The following HIPK2 variants were observed in gnomAD, a reference collection of about 807,000 sequenced individuals.
HIPK2 encodes the protein homeodomain-interacting protein kinase 2.
Under a neutral mutation model 113.7 loss-of-function variants are expected in HIPK2, and 27 were observed. The ratio of observed to expected loss-of-function variants is 0.24; its 90% CI spans 0.17 to 0.33. The LOEUF (loss-of-function observed/expected upper bound fraction) is 0.33, where lower values mean the gene tolerates loss of function less well. HIPK2 is among the 10% of genes least tolerant of loss of function. The pLI, the probability that HIPK2 is intolerant of heterozygous loss-of-function variation, is 1.00. For missense variants in HIPK2, 1,257 were observed against 1,588.0 expected (o/e 0.79, Z 3.54); for synonymous variants, 631 against 642.2 (o/e 0.98, Z 0.26).
chr7:139,699,999 G>T (rs886808245), intron 2 of HIPK2, among the ~76,000 whole-genome samples: 1 of 152,158 alleles, frequency 6.6e-6, no homozygotes, highest in Non-Finnish European at 1.5e-5. Context: ...TCATTGCCTC[G>T]GACAGAATGG....
chr7:139,684,152 A>G lies in HIPK2; in HGVS notation c.1103+31780T>C, dbSNP rs1271215611. On this transcript the variant is annotated intron_variant, in intron 2 of 14. Coordinates refer to ENST00000406875, the MANE Select transcript of HIPK2 (RefSeq NM_022740.5). The stretch of plus-strand genomic sequence containing the variant: ...GTGATTAATGATCTTTGATGTTACT[A>G]TTGTAATGGTACTTGTGTGCCATGA... Among the ~76,000 whole-genome samples the G allele has an allele frequency of 2.6e-5, 4 of 152,126 alleles. 1 individual carries two copies. Among genetic ancestry groups the G allele is most frequent in the Non-Finnish European group, 5.9e-5 (4 of 68,028 alleles).
chr7:139,684,182 C>T (rs1794148023), intron 2 of HIPK2, among the ~76,000 whole-genome samples: 1 of 152,156 alleles, frequency 6.6e-6, no homozygotes, highest in South Asian at 2.1e-4. Context: ...CCATGAATTG[C>T]ACCCATATAA....
intron 1 of HIPK2, among the ~76,000 whole-genome samples, chr7:139,758,171 C>CAA (rs1796392692): frequency 6.6e-6 from 1 of 152,004 alleles, no homozygotes; most frequent in South Asian, 2.1e-4. Context: ...TATGGAATAA[C>CAA]AAACATGGAG....
intron 1 of HIPK2, among the ~76,000 whole-genome samples, chr7:139,745,069 G>A (rs977786471): frequency 3.3e-5 from 5 of 152,200 alleles, no homozygotes; most frequent in African/African-American, 1.2e-4. Context: ...AGACAAGCTG[G>A]CGTATTGTTC....
At chr7:139,614,149 G>A in intron 8 of HIPK2, 137 bp downstream of exon 8, 1 of 810,976 alleles carries the variant, frequency 1.2e-6, no homozygotes, top group Non-Finnish European at 1.7e-6. Flanking sequence ...CTAGTTCAGT[G>A]ATACCAGCGC....
chr7:139,562,941 C>CTAT lies in HIPK2; in HGVS notation c.*9983_*9985dup, dbSNP rs1797987651. ...CTGCCCCAAAGTATGACTTTCTTGT[C>CTAT]TATTTCATTTGGTTAAAAAAATGCA... On this transcript the variant is annotated 3_prime_UTR_variant, in exon 15 of 15. Coordinates refer to ENST00000406875, the MANE Select transcript of HIPK2 (RefSeq NM_022740.5). The CTAT allele has an allele frequency of 6.6e-6, 1 of 152,180 alleles. No homozygotes were observed. Among genetic ancestry groups the CTAT allele is most frequent in the Non-Finnish European group, 1.5e-5 (1 of 68,054 alleles). 9.4% of individuals were successfully genotyped at this position (152,180 alleles called of 1,614,324 possible). A position where few individuals can be genotyped will look rare whatever the true frequency, so the allele number is the denominator to read the frequency against.
intron 1 of HIPK2, among the ~76,000 whole-genome samples, chr7:139,720,433 ACT>A (rs1795373430): frequency 6.6e-6 from 1 of 152,118 alleles, no homozygotes; most frequent in African/African-American, 2.4e-5. Context: ...CCATCTACGC[ACT>A]GTGACTGCAC....
chr7:139,754,895 G>A (rs1316823325), intron 1 of HIPK2, among the ~76,000 whole-genome samples: 1 of 152,112 alleles, frequency 6.6e-6, no homozygotes, highest in African/African-American at 2.4e-5. Context: ...ATCACACAGC[G>A]AGTCTCTGAT....
chr7:139,679,235 G>C (rs1405437297), intron 2 of HIPK2, among the ~76,000 whole-genome samples: 1 of 152,134 alleles, frequency 6.6e-6, no homozygotes, highest in Non-Finnish European at 1.5e-5. Context: ...TCCTTGTCTT[G>C]TGCCAGTTTT....
chr7:139,751,902 T>A (rs1796285009), intron 1 of HIPK2, among the ~76,000 whole-genome samples: 2 of 151,402 alleles, frequency 1.3e-5, no homozygotes, highest in Admixed American at 6.6e-5. Context: ...TAGCTCTTGC[T>A]CTCCCACAAA....
At chr7:139,583,700 C>T in intron 13 of HIPK2, 117 bp downstream of exon 13, 2 of 1,441,218 alleles carry the variant, frequency 1.4e-6, no homozygotes, top group East Asian at 2.5e-5. Flanking sequence ...GGGTCGCCTG[C>T]AGTCACTGGG....
chr7:139,703,434 A>G (rs1000771148), intron 2 of HIPK2, among the ~76,000 whole-genome samples: 52 of 152,142 alleles, frequency 3.4e-4, no homozygotes, highest in African/African-American at 1.2e-3. Flanking sequence ...ATTTACAAAA[A>G]GAGGAGGACG....
chr7:139,639,239 T>C (rs1800920736), intron 2 of HIPK2, among the ~76,000 whole-genome samples: 1 of 152,198 alleles, frequency 6.6e-6, no homozygotes, highest in Non-Finnish European at 1.5e-5. Flanking sequence ...TCTGAGGTCC[T>C]AGAAGTTCAA....
At chr7:139,607,452 G>GA (rs1450387182) in intron 9 of HIPK2, among the ~76,000 whole-genome samples, 18 of 152,068 alleles carry the variant, frequency 1.2e-4, no homozygotes, top group Non-Finnish European at 1.2e-4. Flanking sequence ...TTCAGAGAAA[G>GA]AAAAAACAAC....
At chr7:139,737,767 T>C (rs764388243) in intron 1 of HIPK2, among the ~76,000 whole-genome samples, 11 of 152,188 alleles carry the variant, frequency 7.2e-5, no homozygotes, top group East Asian at 3.9e-4. Flanking sequence ...AAGCTAAAAT[T>C]TGGGGAAAGT....
intron 1 of HIPK2, among the ~76,000 whole-genome samples, chr7:139,761,453 G>A (rs1293895128): frequency 6.6e-6 from 1 of 152,222 alleles, no homozygotes; most frequent in African/African-American, 2.4e-5. Context: ...TTTAGTAACA[G>A]TGAGTGAAGC....
At chr7:139,743,903 A>G (rs984508631) in intron 1 of HIPK2, among the ~76,000 whole-genome samples, 2 of 152,380 alleles carry the variant, frequency 1.3e-5, no homozygotes, top group Non-Finnish European at 2.9e-5. Flanking sequence ...TACAACATCC[A>G]GAGTATATAA....
rs543224524 is a variant in HIPK2 at position 139,583,754 on chromosome 7, G to T, written c.2965+63C>A. On this transcript the variant is annotated intron_variant, in intron 13 of 14. Coordinates refer to ENST00000406875, the MANE Select transcript of HIPK2 (RefSeq NM_022740.5). ...CTCCCATACAGCAACATTTCTAGCA[G>T]CAGAAAAGCAGGAAAACCACTCTCC... 6 of 1,566,062 alleles carry T rather than the reference G, an allele frequency of 3.8e-6. No homozygotes were observed. The African/African-American group carries it at 6.8e-5, about 18-fold the overall frequency.
Position 139,709,968 on chromosome 7 carries a change from C to T in HIPK2, c.1103+5964G>A, listed in dbSNP as rs1299458510. Among the ~76,000 whole-genome samples, 3 of 152,208 alleles carry T rather than the reference C, an allele frequency of 2.0e-5. 1 individual carries two copies. The East Asian group carries it at 5.8e-4, about 29-fold the overall frequency. On this transcript the variant is annotated intron_variant, in intron 2 of 14. Transcript: ENST00000406875. ...CTAACAATGTCCACATTCATACTAT[C>T]GGGGGGTAGAACCCCCCATTATAAT...
Sources: gnomAD v4.1 joint callset for allele counts (sites outside exome capture counted in the v4.1 genomes callset) on GRCh38, gnomAD v4.1.1 for gene constraint, MANE v1.5 for transcripts, NCBI Gene and HGNC (gene_info 2026-07-23, HGNC 2026-07-21) for gene names.